Variants in DSTYK observed in about 807,000 individuals in gnomAD.
DSTYK encodes the protein dual serine/threonine and tyrosine protein kinase.
DSTYK carries 34 observed loss-of-function variants against 98.7 expected under a neutral mutation model. The observed-to-expected ratio is 0.34, with a 90% CI of 0.26 to 0.46. DSTYK has a LOEUF of 0.46. Among genes scored for constraint, DSTYK ranks in the 20% least tolerant of loss-of-function variants. The probability of loss-of-function intolerance (pLI) is 1.00; values close to 1 mark genes in which losing one functional copy is unlikely to be tolerated. For synonymous variants in DSTYK, 462 were observed against 457.3 expected (o/e 1.01, Z -0.13); for missense variants, 962 against 1,181.7 (o/e 0.81, Z 2.73).
chr1:205,211,480 C>T lies in DSTYK; in HGVS notation c.56G>A (p.Gly19Asp), dbSNP rs774633972. 26 of 1,584,930 alleles carry T rather than the reference C, an allele frequency of 1.6e-5. No homozygotes were observed. In the African/African-American group the frequency reaches 3.1e-4, roughly 19 times the overall value. ...GSEPVSGPGPGGGGMIRELCR... is the reference protein window; with the variant it reads ...GSEPVSGPGPDGGGMIRELCR... Reference sequence around the variant, plus strand: ...CAGCTCGCGGATCATTCCGCCGCCGCCGGGGCCGGGACCCGAGACGGGCTC... The same window carrying T: ...CAGCTCGCGGATCATTCCGCCGCCGTCGGGGCCGGGACCCGAGACGGGCTC... The change falls in exon 1 of 13, where the codon GGC (glycine) becomes GAC (aspartate). Residue 19 changes from glycine (G) to aspartate (D), a missense_variant. Physicochemically the swap from Gly to Asp is moderately conservative, Grantham distance 94. Coordinates refer to ENST00000367162, the MANE Select transcript of DSTYK (RefSeq NM_015375.3).
intron 10 of DSTYK, among the ~76,000 whole-genome samples, chr1:205,151,830 C>T (rs773677009): frequency 2.0e-5 from 3 of 151,760 alleles, no homozygotes. Context: ...GGAAGGTTTT[C>T]GGGGACAATA....
chr1:205,180,734 G>A (rs11240377), intron 2 of DSTYK, among the ~76,000 whole-genome samples: 2,109 of 152,292 alleles, frequency 0.014, 51 homozygotes, highest in African/African-American at 0.047. Context: ...CAAAGTGCTG[G>A]CATTACAGGC....
intron 2 of DSTYK, among the ~76,000 whole-genome samples, chr1:205,182,498 TAAAAAAAAAA>T (rs386369411): frequency 5.1e-5 from 4 of 77,752 alleles, no homozygotes; most frequent in Admixed American, 1.7e-4. Context: ...TTAAAAACGG[TAAAAAAAAAA>T]AAAAAAAAAA....
At chr1:205,160,092 G>C in intron 8 of DSTYK, 22 bp downstream of exon 8, 1 of 1,613,380 alleles carries the variant, frequency 6.2e-7, no homozygotes, top group Non-Finnish European at 8.5e-7. Flanking sequence ...TTCTCATAGA[G>C]ATGAATGAGG....
Position 205,211,661 on chromosome 1 carries a change from G to T in DSTYK, c.-126C>A. 7.7e-7 allele frequency: 1 copy of T among 1,306,184 alleles called. No homozygotes were observed. Among genetic ancestry groups the T allele is most frequent in the Non-Finnish European group, 1.0e-6 (1 of 999,578 alleles). 80.9% of individuals were successfully genotyped at this position (1,306,184 alleles called of 1,614,324 possible). On this transcript the variant is annotated 5_prime_UTR_variant, in exon 1 of 13. Coordinates refer to ENST00000367162, the MANE Select transcript of DSTYK (RefSeq NM_015375.3). ...TGACGCCCCCGCCTGCAGTCAGCCTGGCTCCCAACCTCCGTCACTGCCGTT... is the reference window on the plus strand; with the variant it reads ...TGACGCCCCCGCCTGCAGTCAGCCTTGCTCCCAACCTCCGTCACTGCCGTT...
At chr1:205,211,141 C>G in intron 1 of DSTYK, 130 bp downstream of exon 1, 2 of 1,349,926 alleles carry the variant, frequency 1.5e-6, no homozygotes, top group Non-Finnish European at 1.9e-6. Flanking sequence ...GCCCGGGGAC[C>G]CGGCCACACG....
At chr1:205,167,056 G>A (rs1657909596) in intron 3 of DSTYK, among the ~76,000 whole-genome samples, 1 of 152,148 alleles carries the variant, frequency 6.6e-6, no homozygotes, top group Non-Finnish European at 1.5e-5. Flanking sequence ...AGTTACAGAT[G>A]GAATGCTATG....
intron 11 of DSTYK, among the ~76,000 whole-genome samples, 167 bp from the exon 12 acceptor site, chr1:205,148,506 T>C (rs1657310591): frequency 6.6e-6 from 1 of 152,178 alleles, no homozygotes; most frequent in African/African-American, 2.4e-5. Flanking sequence ...ATGCCCATTT[T>C]ACAATACAAT....
chr1:205,179,066 C>T (rs1183709119), intron 2 of DSTYK, among the ~76,000 whole-genome samples: 1 of 151,682 alleles, frequency 6.6e-6, no homozygotes, highest in African/African-American at 2.4e-5. Context: ...GAGGTTGAGG[C>T]TGCAGTGAGC....
intron 1 of DSTYK, among the ~76,000 whole-genome samples, chr1:205,203,711 T>G (rs1392556568): frequency 6.6e-6 from 1 of 151,326 alleles, no homozygotes; most frequent in Non-Finnish European, 1.5e-5. Context: ...AGGTCAGGAG[T>G]TCCAGACCAG....
chr1:205,211,335 G>T lies in DSTYK; in HGVS notation c.201C>A (p.Leu67=). Reference sequence around the variant, plus strand: ...CGCGCTCGGCCCCGCCGCCGCCCGTGAGGGAGGAGAGACAAGTGTGGTTGT... The same window carrying T: ...CGCGCTCGGCCCCGCCGCCGCCCGTTAGGGAGGAGAGACAAGTGTGGTTGT... ...CSHNHTCLSS[L]TGGGGAERGP... is the part of the protein sequence containing the mutation. The change falls in exon 1 of 13, where the codon CTC becomes CTA. Residue 67 remains leucine, a synonymous_variant. Transcript: ENST00000367162. The T allele has an allele frequency of 1.2e-6, 2 of 1,611,672 alleles. No individual in the cohort carries two copies. The highest frequency in any genetic ancestry group is 1.7e-6 in the Non-Finnish European group (2 of 1,179,098).
In DSTYK at chr1:205,169,374, G is replaced by A; in HGVS notation, c.1113C>T (p.Asp371=). 1 of 1,614,206 alleles carries A rather than the reference G, an allele frequency of 6.2e-7. No homozygotes were observed. The highest frequency in any genetic ancestry group is 8.5e-7 in the Non-Finnish European group (1 of 1,180,044). Reference sequence around the variant, plus strand: ...TGTCAAATGCCTGGTTAATAAAGATGTCAAGGCAGTGGCAGTGCACCAGGT... The same window carrying A: ...TGTCAAATGCCTGGTTAATAAAGATATCAAGGCAGTGGCAGTGCACCAGGT... ...ALNLVHCHCL[D]IFINQAFDMQ... is the part of the protein sequence containing the mutation. The change falls in exon 3 of 13, where the codon GAC becomes GAT. Residue 371 remains aspartate, a synonymous_variant. Transcript: ENST00000367162. This position sits in a 1 kb window ranked among gnomAD's most constrained non-coding sequence, Gnocchi z 4.0.
At position 205,169,763 on chromosome 1, in the gene DSTYK, T is replaced by C. The variant is rs374624788; in HGVS notation, c.724A>G (p.Asn242Asp). ...TAGGTTATCACAGGCAAGAAATCAT[T>C]CACCAAGTCACCCAGAACATCCACT... Reference protein sequence around the residue: ...PTVDVLGDLVNDFLPVITYAL... With the variant: ...PTVDVLGDLVDDFLPVITYAL... The change falls in exon 3 of 13, where the codon AAT (asparagine) becomes GAT (aspartate). Residue 242 changes from asparagine to aspartate, a missense_variant. By Grantham distance (23) the Asn-to-Asp change is conservative (BLOSUM62 1). Transcript: ENST00000367162. The surrounding 1 kb of genome is among the most constrained non-coding windows in gnomAD (Gnocchi z 4.0). 1 of 1,614,040 alleles carries C rather than the reference T, an allele frequency of 6.2e-7. No homozygotes were observed. Among genetic ancestry groups the C allele is most frequent in the Non-Finnish European group, 8.5e-7 (1 of 1,180,026 alleles).
chr1:205,174,760 C>T lies in DSTYK; in HGVS notation c.655-4928G>A, dbSNP rs1159296109. The stretch of plus-strand genomic sequence containing the variant: ...TTTAATTTTTTTTTTTTTTTTGAGA[C>T]GGAGTTTCACTCTTGTTGCCCAGGC... On this transcript the variant is annotated intron_variant, in intron 2 of 12. Transcript: ENST00000367162. Among the ~76,000 whole-genome samples, 7 of 114,926 alleles carry T rather than the reference C, an allele frequency of 6.1e-5. No individual in the cohort carries two copies. In the East Asian group the frequency reaches 8.4e-4, roughly 14 times the overall value. The allele number at this position is 114,926 out of a possible 152,430, so 75.4% of individuals were successfully genotyped here. A position where few individuals can be genotyped will look rare whatever the true frequency, so the allele number is the denominator to read the frequency against.
At chr1:205,151,789 A>G (rs1429601355) in intron 10 of DSTYK, among the ~76,000 whole-genome samples, 2 of 151,372 alleles carry the variant, frequency 1.3e-5, no homozygotes, top group Non-Finnish European at 2.9e-5. Context: ...CATCTATATC[A>G]CTGTCTTCCA....
At chr1:205,170,810 C>G (rs1421570808) in intron 2 of DSTYK, among the ~76,000 whole-genome samples, 3 of 151,984 alleles carry the variant, frequency 2.0e-5, no homozygotes, top group Non-Finnish European at 4.4e-5. Flanking sequence ...TGGATTCTAC[C>G]AGGAAATATG....
At chr1:205,204,042 G>A (rs1484668463) in intron 1 of DSTYK, among the ~76,000 whole-genome samples, 1 of 152,208 alleles carries the variant, frequency 6.6e-6, no homozygotes, top group Non-Finnish European at 1.5e-5. Context: ...GGTTAGGGAG[G>A]CCATTTCCTC....
chr1:205,200,231 T>A (rs1658988383), intron 1 of DSTYK, among the ~76,000 whole-genome samples: 1 of 152,016 alleles, frequency 6.6e-6, no homozygotes, highest in Non-Finnish European at 1.5e-5. Flanking sequence ...AGGGACAAGG[T>A]TTCACCATGT....
rs141399200 is a variant in DSTYK, at chr1:205,209,052, G to A, written c.265+2219C>T. The stretch of plus-strand genomic sequence containing the variant: ...CCCGATGGTGAAGAGAGTTAAATAC[G>A]CAAAGATCAGTTCATGATGCAGTCA... On this transcript the variant is annotated intron_variant, in intron 1 of 12. Coordinates refer to ENST00000367162, the MANE Select transcript of DSTYK (RefSeq NM_015375.3). Among the ~76,000 whole-genome samples, 20 of 152,248 alleles carry A rather than the reference G, an allele frequency of 1.3e-4. 1 individual carries two copies. In the East Asian group the frequency reaches 3.5e-3, roughly 26 times the overall value.
Sources: gnomAD v4.1 joint callset for allele counts (sites outside exome capture counted in the v4.1 genomes callset) on GRCh38, gnomAD v4.1.1 for gene constraint, Gnocchi (gnomAD v3.1) non-coding constraint, MANE v1.5 for transcripts, NCBI Gene and HGNC (gene_info 2026-07-23, HGNC 2026-07-21) for gene names.